The following GRTP1 variants were observed in gnomAD, a reference collection of about 807,000 sequenced individuals.
GRTP1 encodes the protein growth hormone-regulated TBC protein 1.
In GRTP1, 56 loss-of-function variants were observed where a neutral mutation model predicts 38.1. That is an observed-to-expected ratio of 1.47 (90% CI 1.19 to 1.84). The LOEUF (loss-of-function observed/expected upper bound fraction) is 1.84, where lower values mean the gene tolerates loss of function less well. Among genes scored for constraint, GRTP1 ranks in the 40% most tolerant of loss-of-function variants. The probability of loss-of-function intolerance (pLI) is 0.00; values close to 1 mark genes in which losing one functional copy is unlikely to be tolerated. For synonymous variants in GRTP1, 217 were observed against 189.5 expected (o/e 1.14, Z -1.19); for missense variants, 506 against 453.9 (o/e 1.11, Z -1.04).
intron 5 of GRTP1, among the ~76,000 whole-genome samples, chr13:113,344,277 C>T (rs950970480): frequency 6.6e-6 from 1 of 152,202 alleles, no homozygotes; most frequent in Non-Finnish European, 1.5e-5. Context: ...GAGCCAACCA[C>T]ACAGCCCCAG....
Position 113,338,047 on chromosome 13 carries a change from A to G in GRTP1, c.562+6816T>C, listed in dbSNP as rs1291858194. ...CCCATCTTTCAGGATGTAGAGCGCT[A>G]ATTCAGGGCTGCACCGACTCATGAC... On this transcript the variant is annotated intron_variant, in intron 5 of 7. Transcript: ENST00000375431. 2.0e-5 allele frequency among the ~76,000 whole-genome samples: 3 copies of G among 152,112 alleles called. No homozygotes were observed. In the East Asian group the frequency reaches 5.8e-4, roughly 29 times the overall value.
At chr13:113,328,714 G>A (rs188329081) in intron 5 of GRTP1, among the ~76,000 whole-genome samples, 135 of 152,312 alleles carry the variant, frequency 8.9e-4, no homozygotes, top group African/African-American at 3.2e-3. Context: ...TAGAGAGAAG[G>A]TTTTACCATG....
intron 5 of GRTP1, among the ~76,000 whole-genome samples, chr13:113,326,459 C>A (rs1003362735): frequency 7.0e-6 from 1 of 142,686 alleles, no homozygotes; most frequent in Non-Finnish European, 1.5e-5. Context: ...CACCTAAAGT[C>A]AGGAGTTCAA....
chr13:113,341,488 AACTCCTGACGTCAGGT>A (rs1252503536), intron 5 of GRTP1, among the ~76,000 whole-genome samples: 2 of 152,156 alleles, frequency 1.3e-5, no homozygotes, highest in African/African-American at 2.4e-5. Flanking sequence ...GCTGGTCTCG[AACTCCTGACGTCAGGT>A]GATCCTCTTG....
rs951857391 is a variant in GRTP1, at chr13:113,347,780, G to A, written c.466-2821C>T. 1.9e-3 allele frequency among the ~76,000 whole-genome samples: 247 copies of A among 132,366 alleles called. 23 individuals are homozygous for A. The highest frequency in any genetic ancestry group is 6.9e-3 in the African/African-American group (236 of 34,032). The allele number at this position is 132,366 out of a possible 152,430, so 86.8% of individuals were successfully genotyped here. On this transcript the variant is annotated intron_variant, in intron 4 of 7. Coordinates refer to ENST00000375431, the MANE Select transcript of GRTP1 (RefSeq NM_024719.4). ...GACCTCTGAAGCCGAGAGCAGACCC[G>A]GGAGGACCTCTGTGGCTGAGCGGAT...
chr13:113,334,122 G>A lies in GRTP1; in HGVS notation c.563-8031C>T, dbSNP rs142660411. On this transcript the variant is annotated intron_variant, in intron 5 of 7. Transcript: ENST00000375431. Reference sequence around the variant, plus strand: ...AGTGCTGGGATTACAGGGGTGAGCCGCCGCGCCTGGCCCATGCCTGTGCAT... The same window carrying A: ...AGTGCTGGGATTACAGGGGTGAGCCACCGCGCCTGGCCCATGCCTGTGCAT... Among the ~76,000 whole-genome samples the A allele has an allele frequency of 6.7e-3, 1,024 of 152,238 alleles. 13 individuals carry two copies. Among genetic ancestry groups the A allele is most frequent in the African/African-American group, 0.023 (972 of 41,540 alleles).
chr13:113,337,566 A>G (rs1045576338), intron 5 of GRTP1, among the ~76,000 whole-genome samples: 1 of 152,236 alleles, frequency 6.6e-6, no homozygotes, highest in African/African-American at 2.4e-5. Context: ...GAGGCCTCGG[A>G]TTGTACAGCG....
intron 5 of GRTP1, 133 bp from the exon 6 acceptor site, chr13:113,326,224 A>G: frequency 8.9e-7 from 1 of 1,127,386 alleles, no homozygotes; most frequent in Non-Finnish European, 1.2e-6. Context: ...ACAAAGTTGG[A>G]GAGGAAGAGT....
chr13:113,325,450 C>T, intron 7 of GRTP1: 1 of 1,446,750 alleles, frequency 6.9e-7, no homozygotes, highest in Non-Finnish European at 9.0e-7. Context: ...TCCGCAGTGC[C>T]AGGGCCAAGA....
chr13:113,338,442 C>T (rs1001102935), intron 5 of GRTP1, among the ~76,000 whole-genome samples: 3 of 151,944 alleles, frequency 2.0e-5, no homozygotes, highest in African/African-American at 7.3e-5. Context: ...GACTCATGAG[C>T]GATGAACCAA....
intron 4 of GRTP1, 108 bp downstream of exon 4, chr13:113,350,741 T>C: frequency 9.2e-7 from 1 of 1,086,076 alleles, no homozygotes. Context: ...GACGTGGAAT[T>C]CATGAACAGG....
chr13:113,357,551 G>A (rs575203626), intron 2 of GRTP1, among the ~76,000 whole-genome samples: 17 of 151,756 alleles, frequency 1.1e-4, no homozygotes, highest in African/African-American at 3.4e-4. Context: ...CTTGGTTTAC[G>A]GTTTATTCAC....
At position 113,324,230 on chromosome 13, in the gene GRTP1, C is replaced by A; in HGVS notation, c.*258G>T. The A allele has an allele frequency of 2.3e-6, 1 of 432,666 alleles. No individual in the cohort carries two copies. The highest frequency in any genetic ancestry group is 3.9e-6 in the Non-Finnish European group (1 of 255,504). The allele number at this position is 432,666 out of a possible 1,614,324, so 26.8% of individuals were successfully genotyped here. A position where few individuals can be genotyped will look rare whatever the true frequency, so the allele number is the denominator to read the frequency against. On this transcript the variant is annotated 3_prime_UTR_variant, in exon 8 of 8. Coordinates refer to ENST00000375431, the MANE Select transcript of GRTP1 (RefSeq NM_024719.4). ...TTGGCATACTTTATTAGATACAAAC[C>A]CACACTCACATTTTATATATTATTG...
chr13:113,329,784 T>C (rs1170117168), intron 5 of GRTP1, among the ~76,000 whole-genome samples: 1 of 152,196 alleles, frequency 6.6e-6, no homozygotes, highest in African/African-American at 2.4e-5. Context: ...CCCCCACTGA[T>C]AGGGGTAGTG....
chr13:113,354,530 TA>T (rs201551011), intron 3 of GRTP1, among the ~76,000 whole-genome samples: 3,266 of 140,794 alleles, frequency 0.023, 80 homozygotes, highest in Non-Finnish European at 0.028. Flanking sequence ...GGTTAACCAA[TA>T]TTTTTTTTTT....
chr13:113,338,122 G>C (rs2042979143), intron 5 of GRTP1, among the ~76,000 whole-genome samples: 1 of 152,334 alleles, frequency 6.6e-6, no homozygotes, highest in South Asian at 2.1e-4. Context: ...TCACGCGGCA[G>C]GGCCCGGTCA....
chr13:113,363,260 T>G (rs1267025525), intron 2 of GRTP1, among the ~76,000 whole-genome samples: 1 of 151,964 alleles, frequency 6.6e-6, no homozygotes, highest in Non-Finnish European at 1.5e-5. Context: ...CAGGCTGGAG[T>G]GCAATGGCGC....
chr13:113,339,728 G>A (rs571183908), intron 5 of GRTP1: 1 of 152,296 alleles, frequency 6.6e-6, no homozygotes, highest in African/African-American at 2.4e-5. Context: ...AATTATTAGA[G>A]CATTATAATA....
chr13:113,352,380 A>ATATATATATATATT (rs2043303837), intron 3 of GRTP1, among the ~76,000 whole-genome samples: 1 of 133,436 alleles, frequency 7.5e-6, no homozygotes, highest in East Asian at 2.1e-4. Context: ...ATATATATTT[A>ATATATATATATATT]TATATATATT....
Sources: gnomAD v4.1 joint callset for allele counts (sites outside exome capture counted in the v4.1 genomes callset) on GRCh38, gnomAD v4.1.1 for gene constraint, MANE v1.5 for transcripts, NCBI Gene and HGNC (gene_info 2026-07-23, HGNC 2026-07-21) for gene names.